CIMAP2: variants seen among roughly 807,000 people sequenced by gnomAD.
CIMAP2 encodes the protein ciliary microtubule-associated protein 2.
the CIMAP2 span, chr1:54,811,767 C>CGGGGGGGGGGGCG: frequency 4.6e-6 from 5 of 1,088,164 alleles, no homozygotes; most frequent in Non-Finnish European, 6.8e-6. Flanking sequence ...TTCTGACAGC[C>CGGGGGGGGGGGCG]TCCATGCCCC....
the CIMAP2 span, among the ~76,000 whole-genome samples, chr1:54,810,277 G>A: frequency 1.3e-5 from 2 of 152,298 alleles, no homozygotes; most frequent in East Asian, 1.9e-4. Flanking sequence ...CTCTCATGCT[G>A]TCTCTTTCTG....
At chr1:54,821,882 A>C in the CIMAP2 span, among the ~76,000 whole-genome samples, 29 of 57,426 alleles carry the variant, frequency 5.0e-4, no homozygotes, top group African/African-American at 1.8e-3. Context: ...GATGCCTCTT[A>C]TTTCTTTTTT....
At chr1:54,813,839 A>T in the CIMAP2 span, 1 of 1,609,190 alleles carries the variant, frequency 6.2e-7, no homozygotes, top group South Asian at 1.1e-5. Flanking sequence ...GAACTGATGA[A>T]TTTCAAGAGC....
the CIMAP2 span, among the ~76,000 whole-genome samples, chr1:54,831,792 G>A: frequency 6.6e-6 from 1 of 152,138 alleles, no homozygotes. Context: ...AATGGTAAGT[G>A]GAACAAAGAT....
chr1:54,812,948 G>A, the CIMAP2 span, among the ~76,000 whole-genome samples: 4 of 152,214 alleles, frequency 2.6e-5, no homozygotes, highest in East Asian at 1.9e-4. Flanking sequence ...GGTGGTTAAC[G>A]TAGAAGGACC....
chr1:54,812,922 G>A, the CIMAP2 span, among the ~76,000 whole-genome samples: 1 of 152,130 alleles, frequency 6.6e-6, no homozygotes, highest in Non-Finnish European at 1.5e-5. Context: ...CAGAGCTCAG[G>A]AGTGCTGAGG....
the CIMAP2 span, among the ~76,000 whole-genome samples, chr1:54,836,681 CGT>C: frequency 6.6e-6 from 1 of 151,924 alleles, no homozygotes; most frequent in Non-Finnish European, 1.5e-5. Context: ...GTGCCATAAG[CGT>C]GTGGGGCAGA....
chr1:54,812,107 G>A, the CIMAP2 span: 28 of 1,614,070 alleles, frequency 1.7e-5, no homozygotes, highest in East Asian at 2.2e-5. Flanking sequence ...TATGTGGCAC[G>A]ATCCGTCGGC....
At chr1:54,826,061 G>A in the CIMAP2 span, among the ~76,000 whole-genome samples, 1 of 152,196 alleles carries the variant, frequency 6.6e-6, no homozygotes, top group Admixed American at 6.5e-5. Flanking sequence ...CTCCCTGACG[G>A]TGTACATGGG....
the CIMAP2 span, among the ~76,000 whole-genome samples, chr1:54,808,593 G>A: frequency 1.5e-5 from 2 of 132,478 alleles, no homozygotes; most frequent in African/African-American, 5.4e-5. Flanking sequence ...TGGGGCCTTG[G>A]TGTTATTCCA....
At chr1:54,811,773 G>GGGGGGGGGGCCCCCCCCCCCC in the CIMAP2 span, 1 of 1,325,052 alleles carries the variant, frequency 7.5e-7, no homozygotes, top group Non-Finnish European at 1.0e-6. Flanking sequence ...CAGCCTCCAT[G>GGGGGGGGGGCCCCCCCCCCCC]CCCCCACCCC....
chr1:54,819,842 T>TTCTTTCTTTCTTTC, the CIMAP2 span, among the ~76,000 whole-genome samples: 3 of 112,618 alleles, frequency 2.7e-5, no homozygotes, highest in African/African-American at 1.0e-4. Flanking sequence ...TTCTTTCTCT[T>TTCTTTCTTTCTTTC]TCTTTCTTTC....
At chr1:54,834,619 T>C in the CIMAP2 span, among the ~76,000 whole-genome samples, 1 of 152,196 alleles carries the variant, frequency 6.6e-6, no homozygotes, top group Non-Finnish European at 1.5e-5. Flanking sequence ...TTTCAGACTT[T>C]GGAATATGTG....
At chr1:54,810,427 T>C in the CIMAP2 span, among the ~76,000 whole-genome samples, 1 of 152,216 alleles carries the variant, frequency 6.6e-6, no homozygotes, top group South Asian at 2.1e-4. Context: ...TAACACACCA[T>C]GCAGGGATCC....
the CIMAP2 span, chr1:54,817,220 C>A: frequency 6.7e-7 from 1 of 1,496,002 alleles, no homozygotes; most frequent in Non-Finnish European, 9.1e-7. Context: ...CCCATGGGAA[C>A]ACAGCTTCTG....
chr1:54,807,023 C>T, the CIMAP2 span: 4 of 1,614,024 alleles, frequency 2.5e-6, no homozygotes, highest in Non-Finnish European at 3.4e-6. Context: ...TTTATCCCAA[C>T]TGGAAGAAGT....
At chr1:54,825,985 G>A in the CIMAP2 span, among the ~76,000 whole-genome samples, 1 of 152,172 alleles carries the variant, frequency 6.6e-6, no homozygotes, top group African/African-American at 2.4e-5. Flanking sequence ...TCTACGCCAA[G>A]GTCCCTGGAC....
the CIMAP2 span, among the ~76,000 whole-genome samples, chr1:54,808,990 G>GTTTAGCATCCCTCCCCCT: frequency 1.2e-4 from 17 of 147,038 alleles, no homozygotes; most frequent in African/African-American, 4.3e-4. Flanking sequence ...TCTTGTGTGT[G>GTTTAGCATCCCTCCCCCT]ACTGGACAGC....
At chr1:54,806,586 T>C in the CIMAP2 span, among the ~76,000 whole-genome samples, 1 of 152,060 alleles carries the variant, frequency 6.6e-6, no homozygotes, top group South Asian at 2.1e-4. Context: ...CATTCACTCA[T>C]ATTCCACTCT....
Sources: gnomAD v4.1 joint callset for allele counts (sites outside exome capture counted in the v4.1 genomes callset) on GRCh38, gnomAD v4.1.1 for gene constraint, MANE v1.5 for transcripts, NCBI Gene and HGNC (gene_info 2026-07-23, HGNC 2026-07-21) for gene names.